The following CD96 variants were observed in gnomAD, a reference collection of about 807,000 sequenced individuals.
CD96 encodes the protein T-cell surface protein tactile.
In CD96, 70 loss-of-function variants were observed where a neutral mutation model predicts 71.3. The ratio of observed to expected loss-of-function variants is 0.98; its 90% CI spans 0.81 to 1.20. The LOEUF (loss-of-function observed/expected upper bound fraction) is 1.20, where lower values mean the gene tolerates loss of function less well. CD96 is among the 50% of genes most tolerant of loss of function. CD96 has a pLI of 0.00. For synonymous variants in CD96, 248 were observed against 233.0 expected, an observed-to-expected ratio of 1.06 and a Z score of -0.59; for missense variants, 742 against 677.5, an observed-to-expected ratio of 1.10 and a Z score of -1.06.
At chr3:111,623,947 T>A (rs1938625811) in intron 9 of CD96, 125 bp downstream of exon 9, 3 of 751,862 alleles carry the variant, frequency 4.0e-6, no homozygotes. Flanking sequence ...TTTGTTAATA[T>A]CTTGGTTTTG....
intron 12 of CD96, among the ~76,000 whole-genome samples, chr3:111,645,825 C>G (rs1380052918): frequency 3.3e-5 from 5 of 152,206 alleles, no homozygotes; most frequent in East Asian, 1.9e-4. Flanking sequence ...TCAGGAAGAC[C>G]TCGAATCCCT....
At position 111,665,522 on chromosome 3, in the gene CD96, C is replaced by G. The variant is rs542333947; in HGVS notation, c.*53-5C>G. The stretch of plus-strand genomic sequence containing the variant: ...ATATCATTTCTGGGTCTTATTCTAC[C>G]CTAGGTATTGGCTGGGATCCACCAA... On this transcript the variant is annotated splice_polypyrimidine_tract_variant and splice_region_variant and intron_variant and NMD_transcript_variant, in intron 14 of 14. Transcript: ENST00000494798. 6 of 152,118 alleles carry G rather than the reference C, an allele frequency of 3.9e-5. No homozygotes were observed. In the East Asian group the frequency reaches 1.2e-3, roughly 29 times the overall value. The allele number at this position is 152,118 out of a possible 1,614,324, so 9.4% of individuals were successfully genotyped here. A position where few individuals can be genotyped will look rare whatever the true frequency, so the allele number is the denominator to read the frequency against.
At chr3:111,606,019 C>T (rs1937613640) in intron 7 of CD96, among the ~76,000 whole-genome samples, 1 of 152,100 alleles carries the variant, frequency 6.6e-6, no homozygotes. Context: ...TCCAATAGGA[C>T]TATTTTTAAA....
At chr3:111,579,309 C>T in intron 4 of CD96, 75 bp downstream of exon 4, 1 of 847,186 alleles carries the variant, frequency 1.2e-6, no homozygotes, top group Non-Finnish European at 2.1e-6. Flanking sequence ...GAGGAAGCAC[C>T]CTATTATGCT....
At position 111,622,425 on chromosome 3, in the gene CD96, T is replaced by C. The variant is rs77486649; in HGVS notation, c.1181-1329T>C. 4.3e-4 allele frequency among the ~76,000 whole-genome samples: 66 copies of C among 152,354 alleles called. No homozygotes were observed. In the East Asian group the frequency reaches 8.7e-3, roughly 20 times the overall value. ...TAAGTATTTTATATGTATGACTCTT[T>C]TAATCATGAAGCCACGGTGTGTAAG... On this transcript the variant is annotated intron_variant, in intron 8 of 13. Transcript: ENST00000352690.
At chr3:111,652,839 CAT>C (rs1940138623), downstream of CD96, among the ~76,000 whole-genome samples, 4 of 151,890 alleles carry the variant, frequency 2.6e-5, no homozygotes, top group South Asian at 8.3e-4. Context: ...CGAGTAAATT[CAT>C]AGAGTCTGAC....
intron 10 of CD96, among the ~76,000 whole-genome samples, chr3:111,635,633 A>G (rs1468958742): frequency 1.3e-5 from 2 of 152,204 alleles, no homozygotes; most frequent in African/African-American, 4.8e-5. Context: ...GCTGAAAACT[A>G]TTAGTGTCCA....
chr3:111,660,094 A>T (rs1430069360), intron 14 of CD96, among the ~76,000 whole-genome samples: 3 of 152,198 alleles, frequency 2.0e-5, no homozygotes, highest in Non-Finnish European at 4.4e-5. Flanking sequence ...ATCTCTCTTC[A>T]CTTATGGCAT....
intron 12 of CD96, among the ~76,000 whole-genome samples, chr3:111,643,091 CT>C (rs1939669871): frequency 7.6e-6 from 1 of 130,954 alleles, no homozygotes. Flanking sequence ...AAAAAAAAAA[CT>C]AGCTAACCAA....
chr3:111,653,390 A>T (rs1272643887), downstream of CD96, among the ~76,000 whole-genome samples: 1 of 152,214 alleles, frequency 6.6e-6, no homozygotes, highest in African/African-American at 2.4e-5. Flanking sequence ...AGAGGTAGGC[A>T]TATTTTAGCT....
At chr3:111,657,486 T>C (rs1403274091) in intron 14 of CD96, among the ~76,000 whole-genome samples, 1 of 151,012 alleles carries the variant, frequency 6.6e-6, no homozygotes, top group African/African-American at 2.4e-5. Flanking sequence ...TATACCCCAG[T>C]CTCGTGTAGG....
At chr3:111,657,584 G>A (rs1466013648) in intron 14 of CD96, among the ~76,000 whole-genome samples, 2 of 152,086 alleles carry the variant, frequency 1.3e-5, no homozygotes, top group Admixed American at 6.6e-5. Flanking sequence ...AATGATATAA[G>A]CAAAGCAATT....
At chr3:111,558,951 A>G (rs1213824761) in intron 2 of CD96, among the ~76,000 whole-genome samples, 2 of 152,134 alleles carry the variant, frequency 1.3e-5, no homozygotes, top group Non-Finnish European at 2.9e-5. Flanking sequence ...TGTATGTGTC[A>G]AGGAATTTAT....
At chr3:111,626,832 TAAC>T (rs745962440) in intron 10 of CD96, among the ~76,000 whole-genome samples, 15 of 152,268 alleles carry the variant, frequency 9.9e-5, no homozygotes, top group South Asian at 2.1e-4. Flanking sequence ...AAATACCAAA[TAAC>T]AACATATGGC....
At chr3:111,571,458 G>A (rs113979797) in intron 3 of CD96, among the ~76,000 whole-genome samples, 21 of 151,940 alleles carry the variant, frequency 1.4e-4, no homozygotes, top group Admixed American at 7.9e-4. Flanking sequence ...ATGAGTCACC[G>A]TTTATCAAGT....
intron 3 of CD96, chr3:111,571,024 T>A: frequency 1.4e-6 from 2 of 1,394,110 alleles, no homozygotes; most frequent in Non-Finnish European, 2.0e-6. Flanking sequence ...TCTTTTGGGG[T>A]CAGCGGCTTG....
intron 2 of CD96, among the ~76,000 whole-genome samples, chr3:111,547,502 C>T (rs1330846923): frequency 6.6e-6 from 1 of 152,140 alleles, no homozygotes; most frequent in East Asian, 1.9e-4. Flanking sequence ...GACTTGGCAA[C>T]ATGGACTGAT....
chr3:111,664,391 G>A (rs568185371), intron 14 of CD96, among the ~76,000 whole-genome samples: 1 of 152,190 alleles, frequency 6.6e-6, no homozygotes, highest in East Asian at 1.9e-4. Flanking sequence ...AAAATCCTAA[G>A]TGAAGTAATG....
chr3:111,570,575 C>T (rs1935931797), intron 3 of CD96: 2 of 1,455,690 alleles, frequency 1.4e-6, no homozygotes, highest in Non-Finnish European at 1.9e-6. Context: ...GGCACTAGAT[C>T]CTTGGCAAGA....
Sources: allele counts gnomAD v4.1 joint callset (sites outside exome capture counted in the v4.1 genomes callset), GRCh38; gene constraint gnomAD v4.1.1; transcripts MANE v1.5; gene names NCBI Gene and HGNC (gene_info 2026-07-23, HGNC 2026-07-21).